Variants in MMP8 observed in about 807,000 individuals in gnomAD.
The protein encoded by MMP8 is matrix metallopeptidase 8, also known as neutrophil collagenase.
In MMP8, 67 loss-of-function variants were observed where a neutral mutation model predicts 51.2. The ratio of observed to expected loss-of-function variants is 1.31; its 90% CI spans 1.08 to 1.60. The LOEUF (loss-of-function observed/expected upper bound fraction) is 1.60. Among genes scored for constraint, MMP8 ranks in the 40% most tolerant of loss-of-function variants. The pLI is 0.00. For missense variants in MMP8, 654 were observed against 558.1 expected (o/e 1.17, Z -1.73); for synonymous variants, 225 against 191.0 (o/e 1.18, Z -1.47).
At position 102,721,419 on chromosome 11, in the gene MMP8, A is replaced by G. The variant is rs1322764439; in HGVS notation, c.604T>C (p.Trp202Arg). ...AACTTACTTGCGGAGGTGTTGGTCC[A>G]TGTTTCTTCGGCATCAAAATGAGCA... The part of the protein sequence containing the change: ...GDAHFDAEET[W>R]TNTSANYNLF... Residue 202 changes from tryptophan (W) to arginine (R), a missense_variant, in exon 4 of 10, where the codon TGG (tryptophan) becomes CGG (arginine). Transcript: ENST00000236826. The G allele has an allele frequency of 4.3e-6, 7 of 1,613,740 alleles. No individual in the cohort carries two copies. Among genetic ancestry groups the G allele is most frequent in the Non-Finnish European group, 5.9e-6 (7 of 1,179,784 alleles).
Position 102,721,666 on chromosome 11 carries a change from G to A in MMP8, c.444C>T (p.Phe148=). ...ELWSVASPLI[F]TRISQGEADI... ...CTGCCTCTCCCTGTGAGATCCTGGTGAAGATGAGAGGTGATGCAACACTCC... is the reference window on the plus strand; with the variant it reads ...CTGCCTCTCCCTGTGAGATCCTGGTAAAGATGAGAGGTGATGCAACACTCC... The change falls in exon 3 of 10, where the codon TTC becomes TTT. Residue 148 remains phenylalanine (F), a synonymous_variant. Transcript: ENST00000236826. 15 of 1,613,896 alleles carry A rather than the reference G, an allele frequency of 9.3e-6. No homozygotes were observed. Among genetic ancestry groups the A allele is most frequent in the Non-Finnish European group, 1.3e-5 (15 of 1,179,886 alleles).
Position 102,719,788 on chromosome 11 carries a change from A to C in MMP8, c.623-1213T>G, listed in dbSNP as rs185017251. Among the ~76,000 whole-genome samples the C allele has an allele frequency of 3.3e-5, 5 of 152,342 alleles. No individual in the cohort carries two copies. The East Asian group carries it at 9.6e-4, about 29-fold the overall frequency. On this transcript the variant is annotated intron_variant, in intron 4 of 9. Coordinates refer to ENST00000236826, the MANE Select transcript of MMP8 (RefSeq NM_002424.3). Reference sequence around the variant, plus strand: ...GCAATTTGTTGTGGTTCTCTGCTCTACAGGGAGTGCATAGTCTAGAAGAGG... The same window carrying C: ...GCAATTTGTTGTGGTTCTCTGCTCTCCAGGGAGTGCATAGTCTAGAAGAGG...
chr11:102,714,867 A>G (rs943271945), intron 7 of MMP8, among the ~76,000 whole-genome samples, 158 bp from the exon 8 acceptor site: 2 of 149,464 alleles, frequency 1.3e-5, no homozygotes, highest in South Asian at 2.1e-4. Context: ...AAAGATGAAG[A>G]TGATAAAGTT....
At chr11:102,716,948 A>T (rs1389269392) in intron 5 of MMP8, among the ~76,000 whole-genome samples, 1 of 152,208 alleles carries the variant, frequency 6.6e-6, no homozygotes, top group Non-Finnish European at 1.5e-5. Flanking sequence ...GAACAAAATA[A>T]AGGGGTGTTG....
At chr11:102,722,958 T>C (rs1466724912) in intron 1 of MMP8, 23 of 1,296,136 alleles carry the variant, frequency 1.8e-5, no homozygotes, top group Non-Finnish European at 2.2e-5. Flanking sequence ...CAGGAGACTG[T>C]CTTCTTGTTT....
At chr11:102,714,260 A>G (rs1030221383) in intron 8 of MMP8, among the ~76,000 whole-genome samples, 16 of 152,346 alleles carry the variant, frequency 1.1e-4, no homozygotes, top group African/African-American at 2.9e-4. Context: ...AGTTGAACTC[A>G]TAAGTGAGAA....
chr11:102,722,010 C>T (rs1055695386), intron 2 of MMP8, among the ~76,000 whole-genome samples: 4 of 151,864 alleles, frequency 2.6e-5, no homozygotes, highest in African/African-American at 7.3e-5. Context: ...ATAGGGCTGC[C>T]GTGGGGATTA....
intron 4 of MMP8, among the ~76,000 whole-genome samples, 197 bp from the exon 5 acceptor site, chr11:102,718,772 C>T (rs1270036892): frequency 6.6e-6 from 1 of 152,168 alleles, no homozygotes; most frequent in Admixed American, 6.5e-5. Flanking sequence ...TAGATGGCGA[C>T]TAGGTGAGTA....
Position 102,715,451 on chromosome 11 carries a change from A to T in MMP8, c.903-14T>A. ...CTCCAGAAGTACCTAACGGAACATA[A>T]GGAAACACACACACACACTTATACA... On this transcript the variant is annotated splice_polypyrimidine_tract_variant and intron_variant, in intron 6 of 9. Coordinates refer to ENST00000236826, the MANE Select transcript of MMP8 (RefSeq NM_002424.3). 1 of 1,608,216 alleles carries T rather than the reference A, an allele frequency of 6.2e-7. No individual in the cohort carries two copies. Among genetic ancestry groups the T allele is most frequent in the Non-Finnish European group, 8.5e-7 (1 of 1,177,444 alleles).
intron 4 of MMP8, among the ~76,000 whole-genome samples, chr11:102,719,367 T>G (rs1745370368): frequency 6.6e-6 from 1 of 152,186 alleles, no homozygotes; most frequent in African/African-American, 2.4e-5. Context: ...ACAAACACAC[T>G]GATGCATTTT....
chr11:102,722,800 A>T, intron 1 of MMP8, 127 bp from the exon 2 acceptor site: 2 of 1,387,180 alleles, frequency 1.4e-6, no homozygotes, highest in Non-Finnish European at 1.9e-6. Context: ...AATAACACAA[A>T]TTAATTTGTA....
At chr11:102,721,048 T>A (rs148646771) in intron 4 of MMP8, among the ~76,000 whole-genome samples, 10 of 152,300 alleles carry the variant, frequency 6.6e-5, no homozygotes, top group African/African-American at 1.9e-4. Context: ...CAGCTTGCCA[T>A]TGTAGAGTGA....
chr11:102,714,630 G>C lies in MMP8; in HGVS notation c.1116C>G (p.Ser372Arg). Residue 372 changes from serine to arginine, a missense_variant, in exon 8 of 10, where the codon AGC (serine) becomes AGG (arginine). Transcript: ENST00000236826. ...CAGCTGCGTCAATTGCTTGGACGCT[G>C]CTGGGGAAGCCATAGTTTGATATAT... ...PKDISNYGFPSSVQAIDAAVF... is the reference protein window; with the variant it reads ...PKDISNYGFPRSVQAIDAAVF... The C allele has an allele frequency of 6.4e-7, 1 of 1,550,500 alleles. No individual in the cohort carries two copies. Among genetic ancestry groups the C allele is most frequent in the South Asian group, 1.2e-5 (1 of 81,116 alleles).
intron 1 of MMP8, chr11:102,722,974 A>C: frequency 7.5e-7 from 1 of 1,324,982 alleles, no homozygotes; most frequent in South Asian, 1.2e-5. Context: ...TGTTTTTACA[A>C]AAAAATTAGG....
intron 9 of MMP8, 131 bp downstream of exon 9, chr11:102,713,623 T>C: frequency 9.8e-7 from 1 of 1,022,644 alleles, no homozygotes. Context: ...CCCAGAACTC[T>C]GGGAGGCTGA....
At chr11:102,717,539 C>G (rs1357338194) in intron 5 of MMP8, among the ~76,000 whole-genome samples, 1 of 152,118 alleles carries the variant, frequency 6.6e-6, no homozygotes, top group Non-Finnish European at 1.5e-5. Flanking sequence ...TTTAAAGACC[C>G]ATCTGTACTG....
At position 102,721,737 on chromosome 11, in the gene MMP8, A is replaced by T; in HGVS notation, c.373T>A (p.Ser125Thr). The change falls in exon 3 of 10, where the codon TCA (serine) becomes ACA (threonine). Residue 125 changes from serine to threonine, a missense_variant. By Grantham distance (58) the Ser-to-Thr change is moderately conservative. Coordinates refer to ENST00000236826, the MANE Select transcript of MMP8 (RefSeq NM_002424.3). ...ATAGCTCTTTCTACCTCAGCCTCTG[A>T]CAGCTGTGGGGTATAGTTTCGAATC... ...YRIRNYTPQL[S>T]EAEVERAIKD... The T allele has an allele frequency of 6.2e-7, 1 of 1,613,728 alleles. No individual in the cohort carries two copies. Among genetic ancestry groups the T allele is most frequent in the South Asian group, 1.1e-5 (1 of 91,078 alleles).
chr11:102,720,514 G>A (rs1861436805), intron 4 of MMP8, among the ~76,000 whole-genome samples: 1 of 152,202 alleles, frequency 6.6e-6, no homozygotes, highest in Non-Finnish European at 1.5e-5. Flanking sequence ...GAAAATGGCA[G>A]GAGGAACAGG....
At chr11:102,723,223 T>TA (rs1861526432) in intron 1 of MMP8, 2 of 410,938 alleles carry the variant, frequency 4.9e-6, no homozygotes, top group Non-Finnish European at 9.4e-6. Context: ...ATATCATTGA[T>TA]ATTAGCATTT....
Sources: allele counts gnomAD v4.1 joint callset (sites outside exome capture counted in the v4.1 genomes callset), GRCh38; gene constraint gnomAD v4.1.1; transcripts MANE v1.5; gene names NCBI Gene and HGNC (gene_info 2026-07-23, HGNC 2026-07-21).